The following BTBD1 variants were observed in gnomAD, a reference collection of about 807,000 sequenced individuals.
The protein encoded by BTBD1 is BTB domain containing 1, also known as BTB/POZ domain-containing protein 1.
A neutral mutation model predicts 48.0 loss-of-function variants in BTBD1; 34 were observed. The observed-to-expected ratio is 0.71, with a 90% CI of 0.54 to 0.94. The LOEUF is 0.94. BTBD1 is among the 40% of genes least tolerant of loss of function. BTBD1 has a pLI of 0.00. For synonymous variants in BTBD1, 261 were observed against 242.1 expected (o/e 1.08, Z -0.72); for missense variants, 543 against 625.6 (o/e 0.87, Z 1.41).
intron 4 of BTBD1, among the ~76,000 whole-genome samples, chr15:83,031,447 C>T (rs1170735780): frequency 6.6e-6 from 1 of 152,114 alleles, no homozygotes; most frequent in East Asian, 1.9e-4. Context: ...ACTATGCAGC[C>T]ATAAAAAATG....
At chr15:83,042,348 T>TTTTATATATATA (rs773923340) in intron 3 of BTBD1, among the ~76,000 whole-genome samples, 40 of 109,898 alleles carry the variant, frequency 3.6e-4, no homozygotes, top group South Asian at 7.6e-4. Context: ...TTAGGCAATT[T>TTTTATATATATA]TATATATATA....
chr15:83,058,965 T>A (rs1311531655), intron 1 of BTBD1, among the ~76,000 whole-genome samples: 1 of 152,198 alleles, frequency 6.6e-6, no homozygotes, highest in Non-Finnish European at 1.5e-5. Flanking sequence ...TGTAGATTAT[T>A]TTGTGTGAGA....
At chr15:83,051,824 T>C (rs2032988174) in intron 2 of BTBD1, among the ~76,000 whole-genome samples, 1 of 149,922 alleles carries the variant, frequency 6.7e-6, no homozygotes. Context: ...TCCAGATTTA[T>C]CTAAATATTA....
chr15:83,026,811 T>C (rs1240426138), intron 5 of BTBD1, among the ~76,000 whole-genome samples: 1 of 152,166 alleles, frequency 6.6e-6, no homozygotes, highest in Non-Finnish European at 1.5e-5. Flanking sequence ...CATGAGCCAC[T>C]GTGCCCAGCC....
chr15:83,044,944 T>C (rs2032847632), intron 3 of BTBD1, among the ~76,000 whole-genome samples: 1 of 152,128 alleles, frequency 6.6e-6, no homozygotes, highest in South Asian at 2.1e-4. Context: ...ATCCCTTTGG[T>C]TAATAAATAA....
chr15:83,054,415 A>C (rs2033046973), intron 2 of BTBD1, among the ~76,000 whole-genome samples: 1 of 152,164 alleles, frequency 6.6e-6, no homozygotes, highest in Non-Finnish European at 1.5e-5. Context: ...TAAGTGCCAT[A>C]ATATATGTAA....
intron 4 of BTBD1, among the ~76,000 whole-genome samples, chr15:83,034,942 T>C (rs1235715146): frequency 2.0e-5 from 3 of 152,186 alleles, no homozygotes; most frequent in African/African-American, 7.2e-5. Context: ...TATTCAGGTT[T>C]TTCTGCACAT....
intron 1 of BTBD1, among the ~76,000 whole-genome samples, chr15:83,066,216 C>G (rs868511287): frequency 2.0e-5 from 3 of 152,070 alleles, no homozygotes; most frequent in South Asian, 2.1e-4. Context: ...GGAGCATCAC[C>G]TGAGCCCGGA....
At chr15:83,021,119 C>A (rs1191733025) in intron 5 of BTBD1, among the ~76,000 whole-genome samples, 1 of 152,218 alleles carries the variant, frequency 6.6e-6, no homozygotes, top group Admixed American at 6.5e-5. Flanking sequence ...CGACAATTAT[C>A]AATTCAACAA....
chr15:83,031,545 G>A (rs544459156), intron 4 of BTBD1, among the ~76,000 whole-genome samples: 104 of 152,196 alleles, frequency 6.8e-4, no homozygotes, highest in African/African-American at 2.2e-3. Flanking sequence ...ACCAAACACC[G>A]CATGTTCTCA....
intron 4 of BTBD1, among the ~76,000 whole-genome samples, chr15:83,040,186 T>G (rs1042134621): frequency 6.6e-6 from 1 of 151,856 alleles, no homozygotes; most frequent in African/African-American, 2.4e-5. Flanking sequence ...TGGATACACA[T>G]GGACATAAAG....
intron 4 of BTBD1, among the ~76,000 whole-genome samples, chr15:83,033,649 G>A (rs72755965): frequency 1.3e-5 from 2 of 152,192 alleles, no homozygotes; most frequent in Non-Finnish European, 2.9e-5. Flanking sequence ...GTGTGATCAC[G>A]GCTAACTGCA....
chr15:83,043,524 T>C (rs1050417498), intron 3 of BTBD1, among the ~76,000 whole-genome samples: 3 of 152,126 alleles, frequency 2.0e-5, no homozygotes, highest in African/African-American at 7.2e-5. Context: ...GAAGAGGCTA[T>C]AGTGAAGACA....
chr15:83,062,812 A>G (rs1167829844), intron 1 of BTBD1, among the ~76,000 whole-genome samples: 1 of 152,124 alleles, frequency 6.6e-6, no homozygotes, highest in Non-Finnish European at 1.5e-5. Context: ...ACTGAAGAAC[A>G]CTTACCTCGT....
At chr15:83,020,337 C>T (rs1337201697) in intron 6 of BTBD1, 2 of 181,424 alleles carry the variant, frequency 1.1e-5, no homozygotes, top group Non-Finnish European at 2.3e-5. Flanking sequence ...ATGCTCACAC[C>T]AGTTACAAGA....
chr15:83,066,906 G>A lies in BTBD1; in HGVS notation c.246C>T (p.Ala82=). The A allele has an allele frequency of 1.3e-6, 2 of 1,520,648 alleles. No homozygotes were observed. Among genetic ancestry groups the A allele is most frequent in the East Asian group, 2.7e-5 (1 of 36,816 alleles). The allele number at this position is 1,520,648 out of a possible 1,614,324, so 94.2% of individuals were successfully genotyped here. A position where few individuals can be genotyped will look rare whatever the true frequency, so the allele number is the denominator to read the frequency against. The change falls in exon 1 of 8, where the codon GCC becomes GCT. Residue 82 remains alanine (A), a synonymous_variant. Coordinates refer to ENST00000261721, the MANE Select transcript of BTBD1 (RefSeq NM_025238.4). The part of the protein sequence containing the change: ...RFVLGKGRGA[A]AAGGPQRIPA... ...GGATGCGCTGCGGGCCCCCAGCGGC[G>A]GCGGCGCCGCGACCCTTGCCCAGTA...
intron 1 of BTBD1, among the ~76,000 whole-genome samples, chr15:83,066,546 T>C (rs1436640799): frequency 4.6e-5 from 7 of 152,164 alleles, no homozygotes; most frequent in Non-Finnish European, 8.8e-5. Context: ...TAACGTTTAG[T>C]TGGCGACTGA....
chr15:83,054,199 G>C (rs898485885), intron 2 of BTBD1, among the ~76,000 whole-genome samples: 1 of 152,016 alleles, frequency 6.6e-6, no homozygotes, highest in African/African-American at 2.4e-5. Context: ...TTAGCCAGGC[G>C]TGGTGGTACG....
intron 1 of BTBD1, among the ~76,000 whole-genome samples, 163 bp downstream of exon 1, chr15:83,066,588 C>A (rs996347666): frequency 2.2e-4 from 33 of 152,220 alleles, no homozygotes; most frequent in African/African-American, 7.7e-4. Context: ...CGATTTCGAC[C>A]CTCCGGAGCA....
Sources: allele counts gnomAD v4.1 joint callset (sites outside exome capture counted in the v4.1 genomes callset), GRCh38; gene constraint gnomAD v4.1.1; transcripts MANE v1.5; gene names NCBI Gene and HGNC (gene_info 2026-07-23, HGNC 2026-07-21).